Variants in PLCE1 observed in about 807,000 individuals in gnomAD.
The protein encoded by PLCE1 is phospholipase C epsilon 1.
A neutral mutation model predicts 242.8 loss-of-function variants in PLCE1; 119 were observed. That is an observed-to-expected ratio of 0.49 (90% CI 0.42 to 0.57). The LOEUF is 0.57. Ranked by LOEUF, PLCE1 falls within the 20% of genes least tolerant of loss-of-function variation. PLCE1 has a pLI of 0.00. For synonymous variants in PLCE1, 945 were observed against 1,017.4 expected (o/e 0.93, Z 1.35); for missense variants, 2,441 against 2,788.8 (o/e 0.88, Z 2.81).
At chr10:94,236,932 CTA>C (rs1240391760) in intron 7 of PLCE1, among the ~76,000 whole-genome samples, 1 of 151,676 alleles carries the variant, frequency 6.6e-6, no homozygotes, top group Non-Finnish European at 1.5e-5. Context: ...TTAAGAATAA[CTA>C]TGAATAATTG....
At chr10:94,126,503 C>T (rs1350555707) in intron 2 of PLCE1, among the ~76,000 whole-genome samples, 2 of 152,206 alleles carry the variant, frequency 1.3e-5, no homozygotes, top group Non-Finnish European at 2.9e-5. Flanking sequence ...ACTGGTAGAA[C>T]ACCAGCAGTT....
intron 6 of PLCE1, among the ~76,000 whole-genome samples, chr10:94,235,062 TCACACA>T (rs3222767): frequency 0.015 from 2,078 of 135,530 alleles, 36 homozygotes; most frequent in Middle Eastern, 0.051. Flanking sequence ...TACTGACCTT[TCACACA>T]CACACACACA....
chr10:93,996,760 A>G (rs2060832647), intron 1 of PLCE1, among the ~76,000 whole-genome samples: 1 of 152,230 alleles, frequency 6.6e-6, no homozygotes, highest in South Asian at 2.1e-4. Context: ...CCAACATGGT[A>G]GTCACTAGCC....
chr10:94,054,977 A>C (rs1239169214), intron 2 of PLCE1, among the ~76,000 whole-genome samples: 1 of 145,296 alleles, frequency 6.9e-6, no homozygotes, highest in African/African-American at 2.6e-5. Flanking sequence ...GGGCCACTGC[A>C]CTCCAGCCTG....
At chr10:94,319,274 T>TATC (rs983074246) in intron 29 of PLCE1, among the ~76,000 whole-genome samples, 2 of 152,224 alleles carry the variant, frequency 1.3e-5, no homozygotes, top group African/African-American at 2.4e-5. Context: ...AAATTTAGTG[T>TATC]ATCTAGGTTT....
chr10:94,288,025 C>A (rs1229821298), intron 22 of PLCE1, among the ~76,000 whole-genome samples: 2 of 152,088 alleles, frequency 1.3e-5, no homozygotes, highest in Non-Finnish European at 2.9e-5. Context: ...GTTTGGGTAC[C>A]TCCTAGATAC....
chr10:94,283,803 A>G lies in PLCE1; in HGVS notation c.4809A>G (p.Glu1603=). Residue 1603 remains glutamate (E), a synonymous_variant, in exon 21 of 33, where the codon GAA becomes GAG. Transcript: ENST00000371380. ...ACTTATTTTCAGACAACATTCTGGAAGACAGACCTGAAAATAAATCATGTA... is the reference window on the plus strand; with the variant it reads ...ACTTATTTTCAGACAACATTCTGGAGGACAGACCTGAAAATAAATCATGTA... ...YESLSDDNIL[E]DRPENKSCND... 6.2e-7 allele frequency: 1 copy of G among 1,611,786 alleles called. No individual in the cohort carries two copies. Among genetic ancestry groups the G allele is most frequent in the Non-Finnish European group, 8.5e-7 (1 of 1,178,406 alleles).
chr10:94,281,528 C>T (rs543337494), intron 20 of PLCE1, among the ~76,000 whole-genome samples: 2 of 152,294 alleles, frequency 1.3e-5, no homozygotes, highest in Admixed American at 1.3e-4. Flanking sequence ...GTATTTTTAA[C>T]AATCCACATA....
At chr10:94,042,226 T>C (rs1448884805) in intron 2 of PLCE1, among the ~76,000 whole-genome samples, 3 of 152,146 alleles carry the variant, frequency 2.0e-5, no homozygotes, top group African/African-American at 7.2e-5. Flanking sequence ...TCCCTGACGC[T>C]GTGTAGTAGA....
intron 2 of PLCE1, among the ~76,000 whole-genome samples, chr10:94,121,448 G>C (rs1361815093): frequency 3.3e-5 from 5 of 152,280 alleles, no homozygotes; most frequent in African/African-American, 1.2e-4. Flanking sequence ...ATGGCTTTTG[G>C]GGGTAGGAAG....
intron 2 of PLCE1, among the ~76,000 whole-genome samples, chr10:94,078,726 A>G (rs1394289433): frequency 6.6e-6 from 1 of 152,018 alleles, no homozygotes; most frequent in Non-Finnish European, 1.5e-5. Flanking sequence ...CTCATGAACC[A>G]CCCACCTTGG....
chr10:94,171,321 CTA>C lies in PLCE1; in HGVS notation c.1636_1637del (p.Ile546LeufsTer21). 3 of 1,614,184 alleles carry C rather than the reference CTA, an allele frequency of 1.9e-6. No individual in the cohort carries two copies. Among genetic ancestry groups the C allele is most frequent in the Non-Finnish European group, 2.5e-6 (3 of 1,180,032 alleles). On this transcript the variant is annotated frameshift_variant, in exon 4 of 33. Transcript: ENST00000371380. LOFTEE classifies it high-confidence loss of function. ...AGCATCCTGATGGAGCAAGAGCAGA[CTA>C]TTTACCGCAGGGTCTTGCCAGTCGA...
chr10:94,008,031 G>A lies in PLCE1; in HGVS notation c.-365+13773G>A, dbSNP rs529596392. Among the ~76,000 whole-genome samples the A allele has an allele frequency of 1.6e-3, 234 of 150,960 alleles. 1 individual carries two copies. Among genetic ancestry groups the A allele is most frequent in the Non-Finnish European group, 2.4e-3 (164 of 67,714 alleles). On this transcript the variant is annotated intron_variant, in intron 1 of 32. Coordinates refer to ENST00000371380, the MANE Select transcript of PLCE1 (RefSeq NM_016341.4). Reference sequence around the variant, plus strand: ...CCATCTCTCCAAAAAAAAGAAAAAGGAAAAAGAAAAATTATCTGGACATGG... The same window carrying A: ...CCATCTCTCCAAAAAAAAGAAAAAGAAAAAAGAAAAATTATCTGGACATGG...
At chr10:94,023,152 T>C (rs947621639) in intron 1 of PLCE1, among the ~76,000 whole-genome samples, 9 of 152,144 alleles carry the variant, frequency 5.9e-5, no homozygotes, top group African/African-American at 1.9e-4. Flanking sequence ...AGAACAAAGA[T>C]GGCATTTAAG....
intron 2 of PLCE1, among the ~76,000 whole-genome samples, chr10:94,068,885 T>A (rs993895572): frequency 6.6e-6 from 1 of 152,236 alleles, no homozygotes; most frequent in African/African-American, 2.4e-5. Context: ...CATGCCTATC[T>A]TCCTCTACTC....
At chr10:93,996,885 T>C (rs570181194) in intron 1 of PLCE1, among the ~76,000 whole-genome samples, 2 of 152,362 alleles carry the variant, frequency 1.3e-5, no homozygotes, top group East Asian at 1.9e-4. Flanking sequence ...AGTGCAGATA[T>C]AGAACATTTT....
intron 32 of PLCE1, among the ~76,000 whole-genome samples, 187 bp from the exon 33 acceptor site, chr10:94,327,780 GA>G: frequency 6.6e-6 from 1 of 152,250 alleles, no homozygotes; most frequent in East Asian, 1.9e-4. Flanking sequence ...TTCCAAGGCA[GA>G]AATAACCTAA....
intron 3 of PLCE1, chr10:94,155,590 A>T (rs1173921579): frequency 2.6e-5 from 4 of 152,142 alleles, no homozygotes; most frequent in African/African-American, 9.7e-5. Flanking sequence ...CTCTGTGAAT[A>T]TACTAAAAAC....
chr10:94,315,290 G>A (rs965381097), intron 28 of PLCE1: 80 of 408,662 alleles, frequency 2.0e-4, no homozygotes, highest in South Asian at 1.3e-3. Flanking sequence ...AGATGTGTTC[G>A]CTCTGGGCTT....
Sources: gnomAD v4.1 joint callset for allele counts (sites outside exome capture counted in the v4.1 genomes callset) on GRCh38, gnomAD v4.1.1 for gene constraint, MANE v1.5 for transcripts, NCBI Gene and HGNC (gene_info 2026-07-23, HGNC 2026-07-21) for gene names.